The following TSHZ1 variants were observed in gnomAD, a reference collection of about 807,000 sequenced individuals.
TSHZ1 encodes the protein teashirt homolog 1.
A neutral mutation model predicts 67.1 loss-of-function variants in TSHZ1; 12 were observed. The ratio of observed to expected loss-of-function variants is 0.18; its 90% CI spans 0.11 to 0.29. TSHZ1 has a LOEUF of 0.29. Ranked by LOEUF, TSHZ1 falls within the 10% of genes least tolerant of loss-of-function variation. The pLI is 1.00. For synonymous variants in TSHZ1, 632 were observed against 622.4 expected (o/e 1.02, Z -0.23); for missense variants, 1,305 against 1,413.9 (o/e 0.92, Z 1.23).
At position 75,286,221 on chromosome 18, in the gene TSHZ1, C is replaced by T. The variant is rs1292447374; in HGVS notation, c.814C>T (p.Arg272Cys). 6.2e-6 allele frequency: 10 copies of T among 1,613,894 alleles called. No homozygotes were observed. Among genetic ancestry groups the T allele is most frequent in the East Asian group, 2.2e-5 (1 of 44,880 alleles). ...GCACATGAACGAGACAGGCCACTAC[C>T]GTGACGACAACAGGGACAAGGACTC... ...TVHMNETGHY[R>C]DDNRDKDSEK... Residue 272 changes from arginine (R) to cysteine (C), a missense_variant, in exon 2 of 2, where the codon CGT (arginine) becomes TGT (cysteine). Around this residue, in one of 3 missense-constraint regions of TSHZ1, gnomAD observed 358 missense variants for 375.6 expected, o/e 0.95. Transcript: ENST00000580243. This position sits in a 1 kb window ranked among gnomAD's most constrained non-coding sequence, Gnocchi z 5.1.
intron 1 of TSHZ1, among the ~76,000 whole-genome samples, chr18:75,238,081 G>A (rs552973704): frequency 1.1e-3 from 166 of 152,252 alleles, no homozygotes; most frequent in Admixed American, 2.0e-3. Context: ...GATTACAAGC[G>A]TGAGCCACCA....
In TSHZ1 at chr18:75,286,567, A is replaced by G. The variant is rs1238757048; in HGVS notation, c.1160A>G (p.Asn387Ser). The G allele has an allele frequency of 1.2e-6, 2 of 1,614,026 alleles. No individual in the cohort carries two copies. Among genetic ancestry groups the G allele is most frequent in the African/African-American group, 2.7e-5 (2 of 74,926 alleles). ...SESAKDQKAA[N>S]PYVTPNNRYG... Reference sequence around the variant, plus strand: ...TCAGCCAAGGATCAGAAAGCAGCGAACCCGTACGTCACGCCCAATAACCGC... The same window carrying G: ...TCAGCCAAGGATCAGAAAGCAGCGAGCCCGTACGTCACGCCCAATAACCGC... The change falls in exon 2 of 2, where the codon AAC becomes AGC. Residue 387 changes from asparagine to serine, a missense_variant. Asn to Ser is a conservative substitution (Grantham distance 46, BLOSUM62 1). Transcript: ENST00000580243. The surrounding 1 kb of genome is among the most constrained non-coding windows in gnomAD (Gnocchi z 5.1).
chr18:75,236,116 A>T (rs2023067150), intron 1 of TSHZ1, among the ~76,000 whole-genome samples: 1 of 152,178 alleles, frequency 6.6e-6, no homozygotes, highest in Admixed American at 6.5e-5. Flanking sequence ...CGTGATAGGA[A>T]GTGTGCGTGT....
chr18:75,272,705 A>G (rs1164197359), intron 1 of TSHZ1, among the ~76,000 whole-genome samples: 2 of 152,232 alleles, frequency 1.3e-5, no homozygotes, highest in African/African-American at 4.8e-5. Flanking sequence ...CAGGTCATCT[A>G]GCAAGGGGAA....
chr18:75,258,813 A>G (rs2023394613), intron 1 of TSHZ1, among the ~76,000 whole-genome samples: 1 of 152,234 alleles, frequency 6.6e-6, no homozygotes. Flanking sequence ...AGATCAGGGC[A>G]GGTGACTGTG....
chr18:75,276,166 G>A (rs1171467580), intron 1 of TSHZ1, among the ~76,000 whole-genome samples: 3 of 152,186 alleles, frequency 2.0e-5, no homozygotes, highest in African/African-American at 4.8e-5. Context: ...GGGGCAGTGA[G>A]AGAAAGAAGA....
chr18:75,286,646 G>C lies in TSHZ1; in HGVS notation c.1239G>C (p.Ala413=). Reference sequence around the variant, plus strand: ...CCTGGCAGTTTGAGGCCCGCAAGGCGCAGATCCTCAAGTGCATGGAGTGTG... The same window carrying C: ...CCTGGCAGTTTGAGGCCCGCAAGGCCCAGATCCTCAAGTGCATGGAGTGTG... The part of the protein sequence containing the change: ...SYTWQFEARK[A]QILKCMECGS... The change falls in exon 2 of 2, where the codon GCG becomes GCC. Residue 413 remains alanine (A), a synonymous_variant. Transcript: ENST00000580243. This position sits in a 1 kb window ranked among gnomAD's most constrained non-coding sequence, Gnocchi z 5.1. The C allele has an allele frequency of 6.2e-7, 1 of 1,614,190 alleles. No homozygotes were observed. Among genetic ancestry groups the C allele is most frequent in the Non-Finnish European group, 8.5e-7 (1 of 1,180,054 alleles).
At chr18:75,226,504 T>C (rs1422517658) in intron 1 of TSHZ1, among the ~76,000 whole-genome samples, 2 of 152,224 alleles carry the variant, frequency 1.3e-5, no homozygotes. Flanking sequence ...TATCACAGGC[T>C]AGCACATTTC....
At chr18:75,269,529 G>A (rs2023532496) in intron 1 of TSHZ1, among the ~76,000 whole-genome samples, 1 of 152,312 alleles carries the variant, frequency 6.6e-6, no homozygotes, top group African/African-American at 2.4e-5. Flanking sequence ...CCTGTTTGTC[G>A]AGGGGCAGCT....
chr18:75,287,680 G>A lies in TSHZ1; in HGVS notation c.2273G>A (p.Gly758Asp). The stretch of plus-strand genomic sequence containing the variant: ...CAGTCCATCATGAACACCCACCTGG[G>A]CAAGGTGTCCAAGCCCGTGAGTCCC... ...ALQSIMNTHL[G>D]KVSKPVSPSL... The change falls in exon 2 of 2, where the codon GGC becomes GAC. Residue 758 changes from glycine to aspartate, a missense_variant. By Grantham distance (94) the Gly-to-Asp change is moderately conservative (BLOSUM62 -1). Transcript: ENST00000580243. The surrounding 1 kb of genome is among the most constrained non-coding windows in gnomAD (Gnocchi z 5.0). The A allele has an allele frequency of 1.2e-6, 2 of 1,614,166 alleles. No homozygotes were observed. Among genetic ancestry groups the A allele is most frequent in the Non-Finnish European group, 1.7e-6 (2 of 1,180,048 alleles).
chr18:75,210,958 T>G lies in TSHZ1; in HGVS notation c.-919T>G, dbSNP rs886054107. The G allele has an allele frequency of 6.8e-6, 1 of 147,096 alleles. No individual in the cohort carries two copies. Among genetic ancestry groups the G allele is most frequent in the African/African-American group, 2.5e-5 (1 of 39,658 alleles). The allele number at this position is 147,096 out of a possible 1,614,324, so 9.1% of individuals were successfully genotyped here. A position where few individuals can be genotyped will look rare whatever the true frequency, so the allele number is the denominator to read the frequency against. ...CAGTGAATGTCTGCTCTTCACCCCC[T>G]TTGCACACACTCTCCGGGTTGTTGT... On this transcript the variant is annotated 5_prime_UTR_variant, in exon 1 of 2. Transcript: ENST00000580243.
At chr18:75,249,131 G>A (rs891689482) in intron 1 of TSHZ1, among the ~76,000 whole-genome samples, 1 of 152,138 alleles carries the variant, frequency 6.6e-6, no homozygotes, top group African/African-American at 2.4e-5. Flanking sequence ...GCTCCAGGCC[G>A]TGGCTGCTCT....
chr18:75,260,077 T>C (rs2023411727), intron 1 of TSHZ1, among the ~76,000 whole-genome samples: 1 of 152,242 alleles, frequency 6.6e-6, no homozygotes, highest in Non-Finnish European at 1.5e-5. Context: ...AGCCGTTCTT[T>C]TCCTAACCTT....
intron 1 of TSHZ1, among the ~76,000 whole-genome samples, chr18:75,242,982 G>A (rs1166783951): frequency 1.3e-5 from 2 of 152,214 alleles, no homozygotes; most frequent in South Asian, 2.1e-4. Flanking sequence ...TCCCTGAGGT[G>A]CACACACTGG....
intron 1 of TSHZ1, among the ~76,000 whole-genome samples, chr18:75,251,868 A>G (rs2122568467): frequency 6.6e-6 from 1 of 152,352 alleles, no homozygotes; most frequent in Non-Finnish European, 1.5e-5. Context: ...TCGCTTTAGC[A>G]TCTCTATACT....
At chr18:75,269,751 A>C (rs1048090784) in intron 1 of TSHZ1, among the ~76,000 whole-genome samples, 4 of 152,140 alleles carry the variant, frequency 2.6e-5, no homozygotes, top group Non-Finnish European at 5.9e-5. Context: ...CATTCCCAGA[A>C]CTTTTTCATC....
At chr18:75,261,395 G>A (rs1369474962) in intron 1 of TSHZ1, among the ~76,000 whole-genome samples, 1 of 152,192 alleles carries the variant, frequency 6.6e-6, no homozygotes, top group African/African-American at 2.4e-5. Context: ...TCTAAAGAAT[G>A]TCAGGAGTCT....
At chr18:75,265,648 C>T (rs1467655150) in intron 1 of TSHZ1, among the ~76,000 whole-genome samples, 1 of 152,130 alleles carries the variant, frequency 6.6e-6, no homozygotes, top group Non-Finnish European at 1.5e-5. Context: ...CCTAGATTCC[C>T]CACATAAAAT....
intron 1 of TSHZ1, among the ~76,000 whole-genome samples, chr18:75,216,524 C>T (rs554549151): frequency 3.3e-5 from 5 of 152,132 alleles, no homozygotes; most frequent in South Asian, 2.1e-4. Flanking sequence ...CTATACAGGC[C>T]GATAACGAAA....
Sources: gnomAD v4.1 joint callset for allele counts (sites outside exome capture counted in the v4.1 genomes callset) on GRCh38, gnomAD v4.1.1 for gene constraint, gnomAD v4.1.1 regional missense constraint, Gnocchi (gnomAD v3.1) non-coding constraint, MANE v1.5 for transcripts, NCBI Gene and HGNC (gene_info 2026-07-23, HGNC 2026-07-21) for gene names.